Variants in RCL1 observed in about 807,000 individuals in gnomAD.
RCL1 encodes RNA 3'-terminal phosphate cyclase-like protein.
A neutral mutation model predicts 42.4 loss-of-function variants in RCL1; 24 were observed. The observed-to-expected ratio is 0.57, with a 90% confidence interval of 0.41 to 0.80. The LOEUF is 0.80. Ranked by LOEUF, RCL1 falls within the 30% of genes least tolerant of loss-of-function variation. The probability of loss-of-function intolerance (pLI) is 0.00; values close to 1 mark genes in which losing one functional copy is unlikely to be tolerated. For synonymous variants in RCL1, 228 were observed against 177.3 expected (o/e 1.29, Z -2.27); for missense variants, 578 against 467.9 (o/e 1.24, Z -2.17).
chr9:4,819,674 G>T (rs959280591), intron 1 of RCL1, among the ~76,000 whole-genome samples: 2 of 152,176 alleles, frequency 1.3e-5, no homozygotes, highest in Non-Finnish European at 2.9e-5. Context: ...GGGCGTGGTG[G>T]CACGCGCCTG....
chr9:4,836,936 C>A (rs1243465307), intron 5 of RCL1, among the ~76,000 whole-genome samples: 1 of 152,132 alleles, frequency 6.6e-6, no homozygotes, highest in Non-Finnish European at 1.5e-5. Context: ...CTGTTCTCTG[C>A]ATGGCTGTCC....
In RCL1 at chr9:4,833,290, T is replaced by A. The variant is rs1346389259; in HGVS notation, c.459+62T>A. On this transcript the variant is annotated intron_variant, in intron 4 of 8. Transcript: ENST00000381750. ...GGAAAACATTTTCCCACTGACTCAT[T>A]GGAAGAGCTGTGTGACTCAGTGTAT... is the stretch of plus-strand genomic sequence containing the variant. The A allele has an allele frequency of 6.5e-6, 8 of 1,230,682 alleles. No individual in the cohort carries two copies. The African/African-American group carries it at 7.4e-5, about 11-fold the overall frequency. The allele number at this position is 1,230,682 out of a possible 1,614,324, so 76.2% of individuals were successfully genotyped here. A position where few individuals can be genotyped will look rare whatever the true frequency, so the allele number is the denominator to read the frequency against.
At position 4,793,053 on chromosome 9, in the gene RCL1, C is replaced by T; in HGVS notation, c.-39C>T. The T allele has an allele frequency of 6.3e-7, 1 of 1,583,036 alleles. No individual in the cohort carries two copies. ...GAGTCCCGCGTCTGTCCGAAGTCGCCGCTCTCGGGCTGCTCACGTCTCTTC... is the reference window on the plus strand; with the variant it reads ...GAGTCCCGCGTCTGTCCGAAGTCGCTGCTCTCGGGCTGCTCACGTCTCTTC... On this transcript the variant is annotated 5_prime_UTR_variant, in exon 1 of 9. Coordinates refer to ENST00000381750, the MANE Select transcript of RCL1 (RefSeq NM_005772.5).
At chr9:4,853,703 G>A (rs191495329) in intron 8 of RCL1, among the ~76,000 whole-genome samples, 2 of 152,168 alleles carry the variant, frequency 1.3e-5, no homozygotes, top group African/African-American at 4.8e-5. Context: ...AGGATGCCAT[G>A]CTACATCTTT....
intron 8 of RCL1, among the ~76,000 whole-genome samples, chr9:4,855,190 G>GA (rs915547616): frequency 3.3e-5 from 5 of 150,830 alleles, no homozygotes; most frequent in South Asian, 2.1e-4. Context: ...TTGTCCCGGG[G>GA]AAAAAAAAAG....
In RCL1 at chr9:4,827,032, C is replaced by T. The variant is rs1211795522; in HGVS notation, c.383C>T (p.Ser128Leu). ...RGVTNDQVDP[S>L]VDVLKATALP... The stretch of plus-strand genomic sequence containing the variant: ...GTGACCAATGATCAGGTTGACCCTT[C>T]AGTGAGTATTGAGAACAAACCGTGG... Residue 128 changes from serine (S) to leucine (L), a missense_variant and splice_region_variant, in exon 3 of 9, where the codon TCA (serine) becomes TTA (leucine). By Grantham distance (145) the Ser-to-Leu change is moderately radical. Coordinates refer to ENST00000381750, the MANE Select transcript of RCL1 (RefSeq NM_005772.5). 6.2e-7 allele frequency: 1 copy of T among 1,614,174 alleles called. No individual in the cohort carries two copies. The highest frequency in any genetic ancestry group is 1.1e-5 in the South Asian group (1 of 91,082).
chr9:4,849,081 G>A (rs1817620712), intron 7 of RCL1, among the ~76,000 whole-genome samples: 1 of 143,824 alleles, frequency 7.0e-6, no homozygotes, highest in South Asian at 2.4e-4. Context: ...ACATCTTCTA[G>A]AACTGATTAA....
chr9:4,823,415 A>G (rs2130999109), intron 1 of RCL1, 133 bp from the exon 2 acceptor site: 1 of 599,942 alleles, frequency 1.7e-6, no homozygotes, highest in Non-Finnish European at 2.9e-6. Flanking sequence ...TCCTTTAGGA[A>G]AGCCCAGGTG....
intron 8 of RCL1, among the ~76,000 whole-genome samples, chr9:4,853,634 C>T (rs746699719): frequency 1.3e-5 from 2 of 152,058 alleles, no homozygotes; most frequent in Non-Finnish European, 2.9e-5. Context: ...CCATTGTGCT[C>T]TTATGTAAGA....
intron 8 of RCL1, among the ~76,000 whole-genome samples, chr9:4,854,099 G>A (rs957884981): frequency 2.0e-5 from 3 of 152,284 alleles, no homozygotes; most frequent in South Asian, 2.1e-4. Context: ...TTGAGCCCTA[G>A]AACATAATTG....
At position 4,834,217 on chromosome 9, in the gene RCL1, C is replaced by A; in HGVS notation, c.536C>A (p.Pro179His). The A allele has an allele frequency of 6.2e-7, 1 of 1,613,590 alleles. No individual in the cohort carries two copies. The highest frequency in any genetic ancestry group is 8.5e-7 in the Non-Finnish European group (1 of 1,179,710). The change falls in exon 5 of 9, where the codon CCC becomes CAC. Residue 179 changes from proline (P) to histidine (H), a missense_variant. By Grantham distance (77) the Pro-to-His change is moderately conservative. Coordinates refer to ENST00000381750, the MANE Select transcript of RCL1 (RefSeq NM_005772.5). ...TGTCCTGTGAGGAAGGTCTTGAAGC[C>A]CATTCAACTCACAGATCCAGGAAAA... ...FSCPVRKVLKPIQLTDPGKIK... is the reference protein window; with the variant it reads ...FSCPVRKVLKHIQLTDPGKIK...
At position 4,841,358 on chromosome 9, in the gene RCL1, G is replaced by A. The variant is rs1399671839; in HGVS notation, c.710+1G>A. 1.9e-6 allele frequency: 3 copies of A among 1,609,218 alleles called. No homozygotes were observed. The highest frequency in any genetic ancestry group is 1.1e-5 in the South Asian group (1 of 90,872). On this transcript the variant is annotated splice_donor_variant, in intron 6 of 8. Transcript: ENST00000381750. LOFTEE classifies it high-confidence loss of function. ...ACATGAAAGGAGTCAACTCTGGGAA[G>A]TAAGTATCTGTGTTTTTGAAGTCTG...
At chr9:4,823,674 TCTCA>T in intron 2 of RCL1, 55 bp downstream of exon 2, 1 of 1,243,456 alleles carries the variant, frequency 8.0e-7, no homozygotes, top group South Asian at 1.4e-5. Context: ...CATTCCTGTT[TCTCA>T]CTCTTTTTTT....
chr9:4,849,169 T>C (rs1293665311), intron 7 of RCL1, among the ~76,000 whole-genome samples: 1 of 23,036 alleles, frequency 4.3e-5, no homozygotes, highest in African/African-American at 3.2e-4. Flanking sequence ...GAAAGTTTCA[T>C]TTTTTTTTTT....
intron 5 of RCL1, 113 bp from the exon 6 acceptor site, chr9:4,841,119 A>G: frequency 8.9e-7 from 1 of 1,122,984 alleles, no homozygotes; most frequent in Admixed American, 2.0e-5. Flanking sequence ...AAAACAATAG[A>G]TTTGGAAGTC....
chr9:4,853,793 CT>C (rs35832520), intron 8 of RCL1, among the ~76,000 whole-genome samples: 39,703 of 150,822 alleles, frequency 0.26, 6,144 homozygotes, highest in Non-Finnish European at 0.35. Flanking sequence ...TAAACCGTGA[CT>C]TTTTTTTTTC....
intron 1 of RCL1, among the ~76,000 whole-genome samples, chr9:4,821,436 T>C (rs980436356): frequency 6.6e-6 from 1 of 152,176 alleles, no homozygotes; most frequent in African/African-American, 2.4e-5. Flanking sequence ...TAAAATGGCA[T>C]CTTAATCCAT....
chr9:4,802,038 A>G (rs904472585), intron 1 of RCL1, among the ~76,000 whole-genome samples: 2 of 147,122 alleles, frequency 1.4e-5, no homozygotes, highest in Admixed American at 6.8e-5. Flanking sequence ...TCTCCCGAGC[A>G]TCTGGGATTA....
At chr9:4,817,465 T>G (rs1165168398) in intron 1 of RCL1, among the ~76,000 whole-genome samples, 2 of 99,240 alleles carry the variant, frequency 2.0e-5, no homozygotes, top group Non-Finnish European at 2.0e-5. Flanking sequence ...TTGATTTTTT[T>G]TTAATCTTTT....
Sources: allele counts gnomAD v4.1 joint callset (sites outside exome capture counted in the v4.1 genomes callset), GRCh38; gene constraint gnomAD v4.1.1; transcripts MANE v1.5; gene names NCBI Gene and HGNC (gene_info 2026-07-23, HGNC 2026-07-21).